Variants in TBC1D8B observed in about 807,000 individuals in gnomAD.
The protein encoded by TBC1D8B is RP11-321G1.1.
A neutral mutation model predicts 82.9 loss-of-function variants in TBC1D8B; 75 were observed. The observed-to-expected ratio is 0.90, with a 90% CI of 0.75 to 1.10. The LOEUF (loss-of-function observed/expected upper bound fraction) is 1.10, where lower values mean the gene tolerates loss of function less well. Among genes scored for constraint, TBC1D8B ranks in the 50% least tolerant of loss-of-function variants. TBC1D8B has a pLI of 0.00. For missense variants in TBC1D8B, 794 were observed against 796.9 expected (o/e 1.00, Z 0.04); for synonymous variants, 276 against 276.8 (o/e 1.00, Z 0.03).
chrX:106,839,961 G>A lies in TBC1D8B; in HGVS notation c.1354-87G>A, dbSNP rs1220623552. The A allele has an allele frequency of 3.1e-6, 3 of 965,650 alleles. No homozygotes were observed. The East Asian group carries it at 9.6e-5, about 31-fold the overall frequency. 79.6% of individuals were successfully genotyped at this position (965,650 alleles called of 1,213,427 possible). On this transcript the variant is annotated intron_variant, in intron 8 of 20. Transcript: ENST00000357242. The stretch of plus-strand genomic sequence containing the variant: ...TATGTTCTTAATTTCTATAGATGTT[G>A]TTTCAAGGTAAAGAGAGTGGGAAAG...
At chrX:106,826,940 G>T (rs1229708072) in intron 6 of TBC1D8B, among the ~76,000 whole-genome samples, 5 of 110,975 alleles carry the variant, frequency 4.5e-5, no homozygotes, top group African/African-American at 1.6e-4. Flanking sequence ...TTTTACATTT[G>T]TACTGTCATT....
rs889797767 is a variant in TBC1D8B, at chrX:106,875,964, C to T, written c.*1999C>T. The T allele has an allele frequency of 9.0e-6, 1 of 111,652 alleles. No individual in the cohort carries two copies. Among genetic ancestry groups the T allele is most frequent in the Admixed American group, 9.5e-5 (1 of 10,490 alleles). 9.2% of individuals were successfully genotyped at this position (111,652 alleles called of 1,213,427 possible). On this transcript the variant is annotated 3_prime_UTR_variant, in exon 21 of 21. Transcript: ENST00000357242. ...TTATTTTCTGAGTCTGCAGGAGAAA[C>T]AAACTAAACATTATAGTTTTATAGC...
intron 10 of TBC1D8B, among the ~76,000 whole-genome samples, chrX:106,844,236 G>C (rs902054122): frequency 2.8e-5 from 3 of 109,013 alleles, no homozygotes; most frequent in African/African-American, 1.0e-4. Flanking sequence ...AGAACCTTCG[G>C]TACAATGTTG....
intron 1 of TBC1D8B, among the ~76,000 whole-genome samples, chrX:106,813,254 T>A (rs1931433221): frequency 9.0e-6 from 1 of 111,359 alleles, no homozygotes; most frequent in Non-Finnish European, 1.9e-5. Context: ...CAGGAGGGAG[T>A]ATTTAGAACC....
chrX:106,853,587 G>C lies in TBC1D8B; in HGVS notation c.2190G>C (p.Val730=). The change falls in exon 13 of 21, where the codon GTG becomes GTC. Residue 730 remains valine (V), a synonymous_variant. Transcript: ENST00000357242. ...CAAATGTTCAGCAAGGTTCAAATGT[G>C]AGTGATGAAAAAACCAGTCATACTA... ...LPSNVQQGSN[V]SDEKTSHTRV... is the part of the protein sequence containing the mutation. 2 of 1,208,031 alleles carry C rather than the reference G, an allele frequency of 1.7e-6. No individual in the cohort carries two copies. The highest frequency in any genetic ancestry group is 4.4e-5 in the Admixed American group (2 of 45,973).
intron 14 of TBC1D8B, among the ~76,000 whole-genome samples, chrX:106,856,381 G>A (rs1214378409): frequency 9.2e-6 from 1 of 109,097 alleles, no homozygotes; most frequent in East Asian, 2.9e-4. Context: ...ATGATATCTG[G>A]GTTTCATATC....
intron 1 of TBC1D8B, among the ~76,000 whole-genome samples, chrX:106,812,910 G>A (rs910293480): frequency 5.4e-5 from 6 of 110,546 alleles, no homozygotes; most frequent in South Asian, 3.9e-4. Context: ...GTGCAGCGGC[G>A]CAATCTCAGC....
At chrX:106,820,594 A>C (rs1219014143) in intron 2 of TBC1D8B, among the ~76,000 whole-genome samples, 1 of 111,554 alleles carries the variant, frequency 9.0e-6, no homozygotes, top group Non-Finnish European at 1.9e-5. Flanking sequence ...TTTAGGCACC[A>C]GTTACTAGCA....
chrX:106,806,143 A>T lies in TBC1D8B; in HGVS notation c.130+3160A>T, dbSNP rs759918986. On this transcript the variant is annotated intron_variant, in intron 1 of 20. Transcript: ENST00000357242. The stretch of plus-strand genomic sequence containing the variant: ...AGAACTCAAGGATTATTAAAACAAG[A>T]GATGAGTTTGTAAGTTAGAATTCTG... 2.7e-5 allele frequency among the ~76,000 whole-genome samples: 3 copies of T among 112,184 alleles called. No homozygotes were observed. The East Asian group carries it at 8.4e-4, about 31-fold the overall frequency.
rs1405735127 is a variant in TBC1D8B at position 106,807,224 on chromosome X, A to G, written c.130+4241A>G. On this transcript the variant is annotated intron_variant, in intron 1 of 20. Transcript: ENST00000357242. Reference sequence around the variant, plus strand: ...CCCGCCCCCCCCCATACACACACACACAAACACACACACACAAAATTAATA... The same window carrying G: ...CCCGCCCCCCCCCATACACACACACGCAAACACACACACACAAAATTAATA... Among the ~76,000 whole-genome samples, 8 of 103,807 alleles carry G rather than the reference A, an allele frequency of 7.7e-5. No individual in the cohort carries two copies. In the South Asian group the frequency reaches 2.9e-3, roughly 38 times the overall value. The allele number at this position is 103,807 out of a possible 115,157, so 90.1% of individuals were successfully genotyped here.
At chrX:106,810,324 A>G (rs988248163) in intron 1 of TBC1D8B, among the ~76,000 whole-genome samples, 1 of 111,799 alleles carries the variant, frequency 8.9e-6, no homozygotes, top group African/African-American at 3.3e-5. Flanking sequence ...TAGGAGGAAT[A>G]ATGTGATAGT....
At chrX:106,824,873 G>A (rs1931794843) in intron 5 of TBC1D8B, among the ~76,000 whole-genome samples, 1 of 111,389 alleles carries the variant, frequency 9.0e-6, no homozygotes, top group Non-Finnish European at 1.9e-5. Flanking sequence ...TCTGCTTATT[G>A]TTTTTACAAA....
chrX:106,808,933 G>A (rs180724488), intron 1 of TBC1D8B, among the ~76,000 whole-genome samples: 1,556 of 111,569 alleles, frequency 0.014, 29 homozygotes, highest in African/African-American at 0.046. Context: ...AGGCTGGGGC[G>A]GGAGGATTGC....
chrX:106,873,775 C>T lies in TBC1D8B; in HGVS notation c.3173C>T (p.Thr1058Ile). Residue 1058 changes from threonine (T) to isoleucine (I), a missense_variant, in exon 21 of 21, where the codon ACA (threonine) becomes ATA (isoleucine). Transcript: ENST00000357242. ...CGSGGPSEEK[T>I]GSHLEKDPCS... is the part of the protein sequence containing the mutation. The stretch of plus-strand genomic sequence containing the variant: ...TCTGGAGGACCCAGTGAGGAAAAAA[C>T]AGGGAGCCACTTGGAGAAAGATCCT... 2 of 1,211,657 alleles carry T rather than the reference C, an allele frequency of 1.7e-6. No individual in the cohort carries two copies. The highest frequency in any genetic ancestry group is 2.2e-6 in the Non-Finnish European group (2 of 895,430).
chrX:106,849,991 T>C, intron 11 of TBC1D8B, 34 bp from the exon 12 acceptor site: 3 of 1,148,231 alleles, frequency 2.6e-6, no homozygotes, highest in Non-Finnish European at 1.2e-6. Context: ...TTTTGAAAAA[T>C]GTTTATTTTT....
intron 1 of TBC1D8B, chrX:106,814,315 C>T (rs901418490): frequency 4.7e-5 from 5 of 106,375 alleles, no homozygotes; most frequent in African/African-American, 1.7e-4. Context: ...CCGCAATAAA[C>T]ATACGTGTGC....
At chrX:106,848,133 A>G in intron 10 of TBC1D8B, 53 bp from the exon 11 acceptor site, 2 of 842,329 alleles carry the variant, frequency 2.4e-6, no homozygotes, top group Non-Finnish European at 3.4e-6. Flanking sequence ...GAAGAAGTAT[A>G]ATTATTACTT....
In TBC1D8B at chrX:106,840,163, A is replaced by G; in HGVS notation, c.1469A>G (p.Glu490Gly). 8.3e-7 allele frequency: 1 copy of G among 1,210,340 alleles called. No homozygotes were observed. Among genetic ancestry groups the G allele is most frequent in the Non-Finnish European group, 1.1e-6 (1 of 894,777 alleles). Residue 490 changes from glutamate to glycine, a missense_variant, in exon 9 of 21, where the codon GAA (glutamate) becomes GGA (glycine). Coordinates refer to ENST00000357242, the MANE Select transcript of TBC1D8B (RefSeq NM_017752.3). ...GATCTTGTTGTAAGAGGGATTCCAG[A>G]AACATTAAGAGGAGAACTCTGGATG... ...TRDLVVRGIP[E>G]TLRGELWMLF...
intron 19 of TBC1D8B, among the ~76,000 whole-genome samples, chrX:106,870,295 C>T (rs906227885): frequency 8.9e-6 from 1 of 112,155 alleles, no homozygotes; most frequent in East Asian, 2.8e-4. Context: ...CCTCCCAAAG[C>T]CCTGGGATTA....
Sources: gnomAD v4.1 joint callset for allele counts (sites outside exome capture counted in the v4.1 genomes callset) on GRCh38, gnomAD v4.1.1 for gene constraint, MANE v1.5 for transcripts, NCBI Gene and HGNC (gene_info 2026-07-23, HGNC 2026-07-21) for gene names.